The following STAC variants were observed in gnomAD, a reference collection of about 807,000 sequenced individuals.
The protein encoded by STAC is SH3 and cysteine rich domain.
Under a neutral mutation model 48.8 loss-of-function variants are expected in STAC, and 43 were observed. That is an observed-to-expected ratio of 0.88 (90% CI 0.69 to 1.14). STAC has a LOEUF of 1.14. Ranked by LOEUF, STAC falls within the 50% of genes most tolerant of loss-of-function variation. The pLI is 0.00. For synonymous variants in STAC, 193 were observed against 179.5 expected, an observed-to-expected ratio of 1.07 and a Z score of -0.60; for missense variants, 497 against 504.0, an observed-to-expected ratio of 0.99 and a Z score of 0.13.
intron 8 of STAC, among the ~76,000 whole-genome samples, chr3:36,526,281 G>A (rs1452091678): frequency 6.6e-6 from 1 of 152,052 alleles, no homozygotes; most frequent in African/African-American, 2.4e-5. Context: ...CCCCTGTCAT[G>A]GGACTTTGCA....
At chr3:36,387,134 G>T (rs1265970551) in intron 1 of STAC, among the ~76,000 whole-genome samples, 3 of 151,994 alleles carry the variant, frequency 2.0e-5, no homozygotes, top group African/African-American at 7.2e-5. Flanking sequence ...CCATGAATAA[G>T]AATTCCAAGA....
intron 8 of STAC, among the ~76,000 whole-genome samples, chr3:36,511,532 G>C (rs1441705311): frequency 6.6e-6 from 1 of 152,160 alleles, no homozygotes; most frequent in Non-Finnish European, 1.5e-5. Flanking sequence ...GTCCCCTGGA[G>C]GTTCATTCTT....
At chr3:36,420,417 G>A (rs1469013998) in intron 1 of STAC, among the ~76,000 whole-genome samples, 4 of 152,256 alleles carry the variant, frequency 2.6e-5, no homozygotes, top group African/African-American at 9.6e-5. Flanking sequence ...CCTGGGCCAC[G>A]GACTAGTACC....
intron 2 of STAC, among the ~76,000 whole-genome samples, chr3:36,461,928 C>T (rs1360902209): frequency 6.6e-6 from 1 of 152,116 alleles, no homozygotes; most frequent in Non-Finnish European, 1.5e-5. Context: ...ATTAACAGGA[C>T]ATGGATCTAA....
At chr3:36,436,172 C>T (rs73065713) in intron 1 of STAC, among the ~76,000 whole-genome samples, 3,543 of 152,304 alleles carry the variant, frequency 0.023, 61 homozygotes, top group East Asian at 0.026. Context: ...GCATTTCAAA[C>T]TTATTCAAAA....
chr3:36,418,286 T>C (rs1246234007), intron 1 of STAC, among the ~76,000 whole-genome samples: 1 of 152,204 alleles, frequency 6.6e-6, no homozygotes, highest in East Asian at 1.9e-4. Flanking sequence ...TAAATACAAC[T>C]ATGATTGTAT....
At chr3:36,437,165 T>C (rs1400399731) in intron 1 of STAC, among the ~76,000 whole-genome samples, 2 of 151,574 alleles carry the variant, frequency 1.3e-5, no homozygotes, top group East Asian at 1.9e-4. Context: ...GGAACACTTT[T>C]ACACTGTTGG....
At chr3:36,450,286 A>G (rs1696640606) in intron 2 of STAC, among the ~76,000 whole-genome samples, 1 of 152,260 alleles carries the variant, frequency 6.6e-6, no homozygotes, top group African/African-American at 2.4e-5. Flanking sequence ...CAACAGAAAT[A>G]GAAGCAAACT....
Position 36,475,969 on chromosome 3 carries a change from C to A in STAC, c.389-7023C>A, listed in dbSNP as rs536521269. 2.6e-5 allele frequency among the ~76,000 whole-genome samples: 4 copies of A among 152,324 alleles called. No homozygotes were observed. In the South Asian group the frequency reaches 8.3e-4, roughly 32 times the overall value. On this transcript the variant is annotated intron_variant, in intron 2 of 10. Transcript: ENST00000273183. Reference sequence around the variant, plus strand: ...CACATTAGAACATTGGAATAAAAAGCAAGGCTAGCCAGCTGGAAGCCCATA... The same window carrying A: ...CACATTAGAACATTGGAATAAAAAGAAAGGCTAGCCAGCTGGAAGCCCATA...
At position 36,493,016 on chromosome 3, in the gene STAC, A is replaced by G. The variant is rs1559512473; in HGVS notation, c.688-135A>G. 6 of 749,692 alleles carry G rather than the reference A, an allele frequency of 8.0e-6. No homozygotes were observed. The East Asian group carries it at 1.9e-4, about 23-fold the overall frequency. The allele number at this position is 749,692 out of a possible 1,614,324, so 46.4% of individuals were successfully genotyped here. A position where few individuals can be genotyped will look rare whatever the true frequency, so the allele number is the denominator to read the frequency against. On this transcript the variant is annotated intron_variant, in intron 5 of 10. Transcript: ENST00000273183. ...GACATAGCTTCTCTGAAGTTAGCCA[A>G]ACAGCCAAGACAGCAATCACTGGGT...
At chr3:36,437,771 G>A (rs1696189647) in intron 1 of STAC, among the ~76,000 whole-genome samples, 1 of 149,264 alleles carries the variant, frequency 6.7e-6, no homozygotes, top group Non-Finnish European at 1.5e-5. Context: ...AAAACTTAAG[G>A]TATAATAATA....
chr3:36,509,635 CTT>C (rs1005888396), intron 8 of STAC, among the ~76,000 whole-genome samples: 1 of 151,766 alleles, frequency 6.6e-6, no homozygotes, highest in African/African-American at 2.4e-5. Context: ...TGTCTTCACA[CTT>C]TATTTCATTA....
chr3:36,483,148 C>A, intron 3 of STAC, 56 bp downstream of exon 3: 2 of 1,351,180 alleles, frequency 1.5e-6, no homozygotes, highest in Non-Finnish European at 2.1e-6. Flanking sequence ...CACTTGCCTG[C>A]TGCAGTGAGA....
intron 6 of STAC, among the ~76,000 whole-genome samples, chr3:36,502,968 C>A (rs1277487106): frequency 1.3e-5 from 2 of 152,170 alleles, no homozygotes; most frequent in African/African-American, 4.8e-5. Flanking sequence ...TGATAAGCAT[C>A]AGTACATTTA....
At chr3:36,398,319 G>A (rs1351417779) in intron 1 of STAC, among the ~76,000 whole-genome samples, 3 of 80,912 alleles carry the variant, frequency 3.7e-5, no homozygotes, top group Non-Finnish European at 2.4e-5. Flanking sequence ...AAGAAAGAAA[G>A]CAAGAAAGAA....
chr3:36,511,721 C>T (rs1025279466), intron 8 of STAC, among the ~76,000 whole-genome samples: 2 of 152,210 alleles, frequency 1.3e-5, no homozygotes, highest in Admixed American at 6.5e-5. Context: ...CCTCTCCACA[C>T]TGGAGCGACC....
At chr3:36,446,771 CTAAA>C (rs763496382) in intron 2 of STAC, among the ~76,000 whole-genome samples, 1 of 152,140 alleles carries the variant, frequency 6.6e-6, no homozygotes, top group South Asian at 2.1e-4. Context: ...TTTAAATTAA[CTAAA>C]TGTTTTTAAT....
chr3:36,462,609 G>A (rs1023078813), intron 2 of STAC, among the ~76,000 whole-genome samples: 1 of 152,114 alleles, frequency 6.6e-6, no homozygotes, highest in Non-Finnish European at 1.5e-5. Context: ...AGTGTGGTAG[G>A]TGTAAGCCAA....
intron 10 of STAC, among the ~76,000 whole-genome samples, chr3:36,544,167 T>C (rs749852379): frequency 6.6e-6 from 1 of 152,130 alleles, no homozygotes; most frequent in Non-Finnish European, 1.5e-5. Flanking sequence ...CCTCCCCCTT[T>C]CAGTATTACT....
Sources: gnomAD v4.1 joint callset for allele counts (sites outside exome capture counted in the v4.1 genomes callset) on GRCh38, gnomAD v4.1.1 for gene constraint, MANE v1.5 for transcripts, NCBI Gene and HGNC (gene_info 2026-07-23, HGNC 2026-07-21) for gene names.